The following DPP8 variants were observed in gnomAD, a reference collection of about 807,000 sequenced individuals.
The protein encoded by DPP8 is DPP VIII.
A neutral mutation model predicts 107.5 loss-of-function variants in DPP8; 31 were observed. The observed-to-expected ratio is 0.29, with a 90% CI of 0.22 to 0.39. DPP8 has a LOEUF of 0.39. Ranked by LOEUF, DPP8 falls within the 10% of genes least tolerant of loss-of-function variation. The pLI, the probability that DPP8 is intolerant of heterozygous loss-of-function variation, is 1.00. For missense variants in DPP8, 842 were observed against 1,076.1 expected, an observed-to-expected ratio of 0.78 and a Z score of 3.04; for synonymous variants, 381 against 356.6, an observed-to-expected ratio of 1.07 and a Z score of -0.77.
chr15:65,516,461 T>TG (rs2141165455), intron 1 of DPP8: 1 of 152,006 alleles, frequency 6.6e-6, no homozygotes, highest in South Asian at 2.1e-4. Context: ...GGTCTGCTAT[T>TG]ACATCTGTTA....
At chr15:65,511,866 C>A in intron 2 of DPP8, 3 of 232,500 alleles carry the variant, frequency 1.3e-5, no homozygotes, top group South Asian at 5.3e-5. Context: ...AGTAGATTAA[C>A]ATATTTAACA....
chr15:65,458,813 A>G (rs989061656), intron 15 of DPP8: 1 of 152,178 alleles, frequency 6.6e-6, no homozygotes, highest in African/African-American at 2.4e-5. Flanking sequence ...CATGAACATC[A>G]TACTCTTAAA....
intron 1 of DPP8, among the ~76,000 whole-genome samples, chr15:65,513,029 C>T (rs1169405826): frequency 1.3e-5 from 2 of 152,168 alleles, no homozygotes; most frequent in African/African-American, 2.4e-5. Context: ...ATAACCACAA[C>T]AAATGAGAAC....
At chr15:65,481,019 G>A (rs930846374) in intron 9 of DPP8, among the ~76,000 whole-genome samples, 1 of 151,956 alleles carries the variant, frequency 6.6e-6, no homozygotes, top group African/African-American at 2.4e-5. Context: ...GGGAGGTTGA[G>A]GCTGCAGTGA....
At chr15:65,455,746 C>A in intron 16 of DPP8, 1 of 1,277,566 alleles carries the variant, frequency 7.8e-7, no homozygotes, top group Non-Finnish European at 1.0e-6. Flanking sequence ...AACACAGTAA[C>A]TGCCTTACTG....
intron 5 of DPP8, among the ~76,000 whole-genome samples, chr15:65,493,954 G>C (rs379545): frequency 0.94 from 141,912 of 151,520 alleles, 66,479 homozygotes; most frequent in Admixed American, 0.96. Flanking sequence ...TTACACAACA[G>C]TTACTATGTT....
In DPP8 at chr15:65,448,874, A is replaced by G. The variant is rs1226171605; in HGVS notation, c.2527-1868T>C. On this transcript the variant is annotated intron_variant, in intron 19 of 19. Coordinates refer to ENST00000300141, the MANE Select transcript of DPP8 (RefSeq NM_130434.5). Reference sequence around the variant, plus strand: ...ATACATATATATCTAAAATATATATATATATATATATATATATATATATAT... The same window carrying G: ...ATACATATATATCTAAAATATATATGTATATATATATATATATATATATAT... Among the ~76,000 whole-genome samples the G allele has an allele frequency of 2.1e-3, 25 of 12,010 alleles. 1 individual carries two copies. Among genetic ancestry groups the G allele is most frequent in the African/African-American group, 0.011 (25 of 2,210 alleles). 7.9% of individuals were successfully genotyped at this position (12,010 alleles called of 152,430 possible).
chr15:65,485,223 G>C (rs757897203), intron 7 of DPP8, 63 bp from the exon 8 acceptor site: 1 of 1,262,478 alleles, frequency 7.9e-7, no homozygotes, highest in Non-Finnish European at 1.2e-6. Context: ...AATTTTGCCA[G>C]ATCAATCCTC....
chr15:65,485,243 T>C, intron 7 of DPP8, 83 bp from the exon 8 acceptor site: 1 of 1,060,746 alleles, frequency 9.4e-7, no homozygotes, highest in Non-Finnish European at 1.5e-6. Context: ...CTTTACACTT[T>C]AGTTAAGAAT....
Position 65,485,090 on chromosome 15 carries a change from T to G in DPP8, c.1017+9A>C, listed in dbSNP as rs1198285072. Reference sequence around the variant, plus strand: ...GACGCAGAAGGTCAACTCAGCATTTTATACTTACCCTTCCTTCAGCATCAA... The same window carrying G: ...GACGCAGAAGGTCAACTCAGCATTTGATACTTACCCTTCCTTCAGCATCAA... On this transcript the variant is annotated intron_variant, in intron 8 of 19. Coordinates refer to ENST00000300141, the MANE Select transcript of DPP8 (RefSeq NM_130434.5). 6.2e-7 allele frequency: 1 copy of G among 1,603,690 alleles called. No homozygotes were observed. Among genetic ancestry groups the G allele is most frequent in the South Asian group, 1.1e-5 (1 of 90,850 alleles).
In DPP8 at chr15:65,477,593, G is replaced by A. The variant is rs183891745; in HGVS notation, c.1456+1287C>T. Among the ~76,000 whole-genome samples, 533 of 146,374 alleles carry A rather than the reference G, an allele frequency of 3.6e-3. 2 individuals carry two copies. The highest frequency in any genetic ancestry group is 0.012 in the African/African-American group (482 of 39,568). The stretch of plus-strand genomic sequence containing the variant: ...TGCCCACACTGGAGTGCAGTGGCGC[G>A]ATCTCGGCTCACTGCAAGCTCTGCC... On this transcript the variant is annotated intron_variant, in intron 11 of 19. Coordinates refer to ENST00000300141, the MANE Select transcript of DPP8 (RefSeq NM_130434.5).
Position 65,456,245 on chromosome 15 carries a change from C to G in DPP8, c.2098G>C (p.Gly700Arg). Reference sequence around the variant, plus strand: ...CACACCATTTTATATTTAAAGGCGCCTTCAAATTTAAGCCCTCGGTGACAG... The same window carrying G: ...CACACCATTTTATATTTAAAGGCGCGTTCAAATTTAAGCCCTCGGTGACAG... ...GSCHRGLKFEGAFKYKMGQIE... is the reference protein window; with the variant it reads ...GSCHRGLKFERAFKYKMGQIE... The change falls in exon 16 of 20, where the codon GGC (glycine) becomes CGC (arginine). Residue 700 changes from glycine (G) to arginine (R), a missense_variant. This residue lies in a region of DPP8 where 179 missense variants were observed against 318.0 expected (regional missense o/e 0.56). Coordinates refer to ENST00000300141, the MANE Select transcript of DPP8 (RefSeq NM_130434.5). 1 of 1,611,412 alleles carries G rather than the reference C, an allele frequency of 6.2e-7. No individual in the cohort carries two copies. The highest frequency in any genetic ancestry group is 8.5e-7 in the Non-Finnish European group (1 of 1,179,398).
chr15:65,477,945 A>G (rs1029345680), intron 11 of DPP8, among the ~76,000 whole-genome samples: 1 of 152,202 alleles, frequency 6.6e-6, no homozygotes, highest in African/African-American at 2.4e-5. Context: ...AAACTATATT[A>G]TTAAAGTTGA....
At chr15:65,452,585 T>C (rs190255084) in intron 17 of DPP8, among the ~76,000 whole-genome samples, 56 of 152,120 alleles carry the variant, frequency 3.7e-4, no homozygotes, top group Non-Finnish European at 7.6e-4. Flanking sequence ...CCTGGGAAAA[T>C]TATGGAAGTG....
intron 15 of DPP8, among the ~76,000 whole-genome samples, chr15:65,462,690 C>T (rs1352553830): frequency 6.6e-6 from 1 of 152,098 alleles, no homozygotes; most frequent in African/African-American, 2.4e-5. Context: ...AGCGATTCTC[C>T]TGCCTCAGCC....
intron 1 of DPP8, among the ~76,000 whole-genome samples, chr15:65,513,072 A>G (rs572920280): frequency 9.8e-5 from 15 of 152,368 alleles, no homozygotes; most frequent in African/African-American, 3.6e-4. Flanking sequence ...ACGTGCATGT[A>G]ATAACCTTCC....
intron 11 of DPP8, among the ~76,000 whole-genome samples, chr15:65,477,320 G>A (rs866979597): frequency 1.2e-4 from 19 of 152,026 alleles, no homozygotes; most frequent in Middle Eastern, 6.8e-3. Flanking sequence ...GCTTGAACCC[G>A]GGAGGCGGAG....
At chr15:65,514,750 T>A (rs1202034781) in intron 1 of DPP8, among the ~76,000 whole-genome samples, 2 of 152,154 alleles carry the variant, frequency 1.3e-5, no homozygotes, top group Non-Finnish European at 2.9e-5. Flanking sequence ...GACCTCATGA[T>A]CCACCCGCCT....
intron 3 of DPP8, among the ~76,000 whole-genome samples, chr15:65,504,710 G>T (rs928881664): frequency 2.0e-5 from 3 of 151,736 alleles, no homozygotes; most frequent in African/African-American, 7.3e-5. Context: ...TGCTGGGTGG[G>T]GTGGCTCACA....
Sources: allele counts gnomAD v4.1 joint callset (sites outside exome capture counted in the v4.1 genomes callset), GRCh38; gene constraint gnomAD v4.1.1; regional missense constraint gnomAD v4.1.1; transcripts MANE v1.5; gene names NCBI Gene and HGNC (gene_info 2026-07-23, HGNC 2026-07-21).